The following RARB variants were observed in gnomAD, a reference collection of about 807,000 sequenced individuals.
RARB encodes HBV-activated protein.
In RARB, 17 loss-of-function variants were observed where a neutral mutation model predicts 51.9. That is an observed-to-expected ratio of 0.33 (90% CI 0.22 to 0.49). RARB has a LOEUF of 0.49. Ranked by LOEUF, RARB falls within the 20% of genes least tolerant of loss-of-function variation. RARB has a pLI of 0.99. For missense variants in RARB, 369 were observed against 550.8 expected (o/e 0.67, Z 3.30); for synonymous variants, 215 against 195.4 (o/e 1.10, Z -0.84).
intron 2 of RARB, among the ~76,000 whole-genome samples, chr3:24,912,864 AT>A (rs1046125135): frequency 1.3e-5 from 2 of 152,084 alleles, no homozygotes; most frequent in African/African-American, 4.8e-5. Context: ...AGTTTCTCAA[AT>A]CCAGGAAGAG....
At chr3:25,577,610 C>T (rs531756678) in intron 4 of RARB, among the ~76,000 whole-genome samples, 11 of 152,106 alleles carry the variant, frequency 7.2e-5, no homozygotes, top group Non-Finnish European at 1.3e-4. Context: ...AAAGCCAGAA[C>T]GCTTGAACAA....
intron 2 of RARB, among the ~76,000 whole-genome samples, chr3:25,477,593 A>G (rs1164314000): frequency 1.3e-5 from 2 of 152,236 alleles, no homozygotes; most frequent in Non-Finnish European, 2.9e-5. Flanking sequence ...GGATGTACAT[A>G]TGCAACATCT....
At chr3:25,447,546 C>T (rs1348403733) in intron 1 of RARB, among the ~76,000 whole-genome samples, 1 of 152,188 alleles carries the variant, frequency 6.6e-6, no homozygotes, top group African/African-American at 2.4e-5. Context: ...TAATCACTGC[C>T]TTCTGCTCCC....
intron 2 of RARB, among the ~76,000 whole-genome samples, chr3:25,006,530 G>A (rs1484345283): frequency 6.6e-6 from 1 of 152,096 alleles, no homozygotes; most frequent in Non-Finnish European, 1.5e-5. Flanking sequence ...TTGGGAACAC[G>A]GAGACAGGTA....
rs554454171 is a variant in RARB at position 25,023,496 on chromosome 3, C to T, written c.-379-36629C>T. Among the ~76,000 whole-genome samples the T allele has an allele frequency of 1.7e-3, 38 of 23,010 alleles. No individual in the cohort carries two copies. The East Asian group carries it at 0.036, about 21-fold the overall frequency. 15.1% of individuals were successfully genotyped at this position (23,010 alleles called of 152,430 possible). ...TATGAGCACTCACAGGATACACCGA[C>T]GCAGCTGAGTTTGCTTCAACATAAG... On this transcript the variant is annotated intron_variant, in intron 2 of 11. Coordinates refer to the RARB transcript ENST00000383772.
intron 3 of RARB, among the ~76,000 whole-genome samples, chr3:25,080,732 G>A (rs983036869): frequency 6.6e-6 from 1 of 152,056 alleles, no homozygotes; most frequent in Non-Finnish European, 1.5e-5. Context: ...CTATATTTAA[G>A]CCACTTGCCT....
chr3:25,043,068 C>A (rs997904312), intron 2 of RARB, among the ~76,000 whole-genome samples: 1 of 152,152 alleles, frequency 6.6e-6, no homozygotes, highest in Non-Finnish European at 1.5e-5. Flanking sequence ...AGGGGAGCGA[C>A]CGTCAGAGGG....
intron 3 of RARB, among the ~76,000 whole-genome samples, chr3:25,079,199 A>T (rs1698938863): frequency 6.6e-6 from 1 of 152,106 alleles, no homozygotes; most frequent in Non-Finnish European, 1.5e-5. Flanking sequence ...TAATATTTGG[A>T]AATATAATTT....
At chr3:25,165,023 G>A (rs532248640) in intron 4 of RARB, among the ~76,000 whole-genome samples, 1 of 152,198 alleles carries the variant, frequency 6.6e-6, no homozygotes, top group Non-Finnish European at 1.5e-5. Context: ...TTCTAAAAGG[G>A]GCAGTTAAGT....
intron 2 of RARB, among the ~76,000 whole-genome samples, chr3:25,032,766 C>G (rs1002906863): frequency 6.6e-6 from 1 of 152,092 alleles, no homozygotes; most frequent in Non-Finnish European, 1.5e-5. Flanking sequence ...GCAACTGAAC[C>G]CACCCTTTGT....
At chr3:25,047,100 T>G (rs1282970907) in intron 2 of RARB, among the ~76,000 whole-genome samples, 1 of 152,212 alleles carries the variant, frequency 6.6e-6, no homozygotes. Context: ...TTCTAAATTC[T>G]CTTCCATTTG....
chr3:25,542,212 T>C (rs1699412378), intron 3 of RARB, among the ~76,000 whole-genome samples: 1 of 152,246 alleles, frequency 6.6e-6, no homozygotes, highest in Admixed American at 6.5e-5. Flanking sequence ...ATGTCTGCTA[T>C]GGGTGTTGAA....
chr3:25,542,803 C>T (rs1427207427), intron 3 of RARB, among the ~76,000 whole-genome samples: 4 of 152,196 alleles, frequency 2.6e-5, no homozygotes, highest in Non-Finnish European at 4.4e-5. Context: ...TTACTAAGGG[C>T]CCTCCCAAGT....
intron 2 of RARB, among the ~76,000 whole-genome samples, chr3:24,904,963 T>C (rs1305281869): frequency 2.0e-5 from 3 of 152,040 alleles, no homozygotes; most frequent in African/African-American, 7.3e-5. Context: ...AGTTGAACAA[T>C]GAAAACACAT....
At chr3:25,048,752 C>CTTTTTTTTTTTTTTTTTTT (rs34598308) in intron 2 of RARB, among the ~76,000 whole-genome samples, 1 of 108,408 alleles carries the variant, frequency 9.2e-6, no homozygotes, top group East Asian at 2.8e-4. Flanking sequence ...ATTAAGCCCA[C>CTTTTTTTTTTTTTTTTTTT]TTTTTTTTTT....
At chr3:24,953,209 T>C (rs2125406950) in intron 2 of RARB, among the ~76,000 whole-genome samples, 1 of 152,208 alleles carries the variant, frequency 6.6e-6, no homozygotes, top group South Asian at 2.1e-4. Context: ...TTAAATAACC[T>C]AAAATGAGTA....
At chr3:25,142,928 G>C (rs977392685) in intron 4 of RARB, among the ~76,000 whole-genome samples, 1 of 152,104 alleles carries the variant, frequency 6.6e-6, no homozygotes, top group African/African-American at 2.4e-5. Context: ...TCCAGTCTCA[G>C]AGATAATATC....
chr3:25,110,117 T>C (rs1699576020), intron 3 of RARB, among the ~76,000 whole-genome samples: 1 of 152,212 alleles, frequency 6.6e-6, no homozygotes. Context: ...ACTGAAACGT[T>C]CATACCAGGA....
intron 5 of RARB, among the ~76,000 whole-genome samples, chr3:25,375,311 AATG>A (rs1706427109): frequency 6.6e-6 from 1 of 152,180 alleles, no homozygotes; most frequent in African/African-American, 2.4e-5. Flanking sequence ...ATTACCTCAT[AATG>A]ATGATCTGTT....
Sources: allele counts gnomAD v4.1 joint callset (sites outside exome capture counted in the v4.1 genomes callset), GRCh38; gene constraint gnomAD v4.1.1; transcripts MANE v1.5; gene names NCBI Gene and HGNC (gene_info 2026-07-23, HGNC 2026-07-21).